The following PHF3 variants were observed in gnomAD, a reference collection of about 807,000 sequenced individuals.
PHF3 encodes PHD finger protein 3.
A neutral mutation model predicts 178.4 loss-of-function variants in PHF3; 41 were observed. That is an observed-to-expected ratio of 0.23 (90% CI 0.18 to 0.30). The LOEUF (loss-of-function observed/expected upper bound fraction) is 0.30, where lower values mean the gene tolerates loss of function less well. Ranked by LOEUF, PHF3 falls within the 10% of genes least tolerant of loss-of-function variation. The probability of loss-of-function intolerance (pLI) is 1.00; values close to 1 mark genes in which losing one functional copy is unlikely to be tolerated. For synonymous variants in PHF3, 842 were observed against 800.5 expected, an observed-to-expected ratio of 1.05 and a Z score of -0.88; for missense variants, 2,346 against 2,398.1, an observed-to-expected ratio of 0.98 and a Z score of 0.45.
chr6:63,721,620 A>T lies in PHF3; in HGVS notation c.*7912A>T, dbSNP rs1768395203. The T allele has an allele frequency of 1.9e-6, 3 of 1,551,296 alleles. No individual in the cohort carries two copies. The East Asian group carries it at 7.3e-5, about 38-fold the overall frequency. On this transcript the variant is annotated 3_prime_UTR_variant, in exon 16 of 16. Coordinates refer to ENST00000262043, the MANE Select transcript of PHF3 (RefSeq NM_001370348.2). ...CATTTTAGTGGAGGCCTTTTCTGTT[A>T]CATTTATCCCATCTAGATCCAGGTA...
intron 9 of PHF3, among the ~76,000 whole-genome samples, chr6:63,701,485 C>T (rs1198867032): frequency 6.6e-6 from 1 of 152,078 alleles, no homozygotes; most frequent in Non-Finnish European, 1.5e-5. Flanking sequence ...CCATGTTATC[C>T]AATTTTTGTA....
Position 63,713,111 on chromosome 6 carries a change from C to T in PHF3, c.5523C>T (p.Pro1841=). 1 of 1,614,034 alleles carries T rather than the reference C, an allele frequency of 6.2e-7. No homozygotes were observed. ...CACATTTGCCACCTCCATTACTTCC[C>T]CCTCCAGGCTTTGGCTTTGCTCAAA... ...FPPHLPPPLL[P]PPGFGFAQNP... Residue 1841 remains proline (P), a synonymous_variant, in exon 16 of 16, where the codon CCC becomes CCT. Coordinates refer to ENST00000262043, the MANE Select transcript of PHF3 (RefSeq NM_001370348.2).
At chr6:63,651,725 A>G (rs1765026908) in intron 2 of PHF3, among the ~76,000 whole-genome samples, 1 of 151,958 alleles carries the variant, frequency 6.6e-6, no homozygotes, top group African/African-American at 2.4e-5. Flanking sequence ...CCCCTTCCCC[A>G]ACTCTGGTAA....
At chr6:63,644,258 G>T (rs1051244188) in intron 1 of PHF3, among the ~76,000 whole-genome samples, 3 of 152,168 alleles carry the variant, frequency 2.0e-5, no homozygotes, top group African/African-American at 7.2e-5. Flanking sequence ...TGAAGAGGAG[G>T]TGGCTTTGGT....
intron 11 of PHF3, among the ~76,000 whole-genome samples, chr6:63,704,795 T>C (rs1455015090): frequency 6.6e-6 from 1 of 152,156 alleles, no homozygotes; most frequent in Non-Finnish European, 1.5e-5. Context: ...TAAGAGTATG[T>C]TTATCTTATA....
rs572374543 is a variant in PHF3, at chr6:63,723,188, T to TA, written c.*9485dup. 3.3e-4 allele frequency among the ~76,000 whole-genome samples: 51 copies of TA among 152,336 alleles called. No homozygotes were observed. Among genetic ancestry groups the TA allele is most frequent in the African/African-American group, 1.2e-3 (48 of 41,578 alleles). On this transcript the variant is annotated 3_prime_UTR_variant, in exon 16 of 16. Coordinates refer to ENST00000262043, the MANE Select transcript of PHF3 (RefSeq NM_001370348.2). ...TCCTATAATGACATGAAAATTGTTTTAAAAATTCATAACAAAGAAACTCAG... is the reference window on the plus strand; with the variant it reads ...TCCTATAATGACATGAAAATTGTTTTAAAAAATTCATAACAAAGAAACTCAG...
rs1768117624 is a variant in PHF3, at chr6:63,714,560, ATAGC to A, written c.*855_*858del. The A allele has an allele frequency of 6.6e-6, 1 of 152,652 alleles. No homozygotes were observed. The highest frequency in any genetic ancestry group is 2.1e-4 in the South Asian group (1 of 4,826). The allele number at this position is 152,652 out of a possible 1,614,324, so 9.5% of individuals were successfully genotyped here. A position where few individuals can be genotyped will look rare whatever the true frequency, so the allele number is the denominator to read the frequency against. On this transcript the variant is annotated 3_prime_UTR_variant, in exon 16 of 16. Coordinates refer to ENST00000262043, the MANE Select transcript of PHF3 (RefSeq NM_001370348.2). Reference sequence around the variant, plus strand: ...GTTACTCAGCCAAGAACATATAGAAATAGCTATCTATGTCAGGCATTAGATGAGG... The same window carrying A: ...GTTACTCAGCCAAGAACATATAGAAATATCTATGTCAGGCATTAGATGAGG...
At chr6:63,639,850 G>A (rs1048090404) in intron 1 of PHF3, among the ~76,000 whole-genome samples, 11 of 152,156 alleles carry the variant, frequency 7.2e-5, no homozygotes, top group African/African-American at 2.7e-4. Context: ...TGATGAGCTA[G>A]GTCCACTACT....
At chr6:63,663,342 A>G (rs983298091) in intron 2 of PHF3, among the ~76,000 whole-genome samples, 1 of 152,106 alleles carries the variant, frequency 6.6e-6, no homozygotes, top group African/African-American at 2.4e-5. Flanking sequence ...ACTATCCTAG[A>G]AATAGGATAG....
At chr6:63,705,990 A>G in intron 11 of PHF3, 39 bp from the exon 12 acceptor site, 1 of 1,476,512 alleles carries the variant, frequency 6.8e-7, no homozygotes, top group Non-Finnish European at 9.2e-7. Flanking sequence ...TAAAAGTTGT[A>G]GTTAACAGTT....
intron 2 of PHF3, among the ~76,000 whole-genome samples, chr6:63,661,375 C>G (rs1765459199): frequency 6.6e-6 from 1 of 152,046 alleles, no homozygotes; most frequent in African/African-American, 2.4e-5. Flanking sequence ...ACAACTTTGC[C>G]TATCAGATTT....
chr6:63,696,367 T>C (rs1260349141), intron 6 of PHF3, among the ~76,000 whole-genome samples: 2 of 152,160 alleles, frequency 1.3e-5, no homozygotes, highest in Admixed American at 6.5e-5. Flanking sequence ...TCACCCAGGC[T>C]TGAGTGCAGT....
Position 63,635,931 on chromosome 6 carries a change from G to C in PHF3, c.-245G>C, listed in dbSNP as rs1318385060. ...CTTCGGGCTCAGGGCGGCGGCGGCT[G>C]CAACGAGGATTAGGAGGGCGGCGCG... On this transcript the variant is annotated 5_prime_UTR_variant, in exon 1 of 16. Coordinates refer to ENST00000262043, the MANE Select transcript of PHF3 (RefSeq NM_001370348.2). 2 of 397,886 alleles carry C rather than the reference G, an allele frequency of 5.0e-6. No individual in the cohort carries two copies. The highest frequency in any genetic ancestry group is 4.4e-6 in the Non-Finnish European group (1 of 225,708). The allele number at this position is 397,886 out of a possible 1,614,324, so 24.6% of individuals were successfully genotyped here. A position where few individuals can be genotyped will look rare whatever the true frequency, so the allele number is the denominator to read the frequency against.
At chr6:63,675,649 T>C (rs1291484835) in intron 2 of PHF3, among the ~76,000 whole-genome samples, 11 of 152,198 alleles carry the variant, frequency 7.2e-5, no homozygotes, top group Admixed American at 7.2e-4. Context: ...CTTGGAAATC[T>C]TACCTTTGAG....
At position 63,717,439 on chromosome 6, in the gene PHF3, T is replaced by A. The variant is rs1293206935; in HGVS notation, c.*3731T>A. Among the ~76,000 whole-genome samples, 2 of 152,100 alleles carry A rather than the reference T, an allele frequency of 1.3e-5. No individual in the cohort carries two copies. The highest frequency in any genetic ancestry group is 2.9e-5 in the Non-Finnish European group (2 of 67,984). On this transcript the variant is annotated 3_prime_UTR_variant, in exon 16 of 16. Coordinates refer to ENST00000262043, the MANE Select transcript of PHF3 (RefSeq NM_001370348.2). ...ATATACACAATCAGGTTTATTTCTGTCTCTTAAAGCAAATTGCAAATAAAA... is the reference window on the plus strand; with the variant it reads ...ATATACACAATCAGGTTTATTTCTGACTCTTAAAGCAAATTGCAAATAAAA...
rs548676707 is a variant in PHF3 at position 63,681,600 on chromosome 6, T to G, written c.406+1439T>G. On this transcript the variant is annotated intron_variant, in intron 3 of 15. Transcript: ENST00000262043. ...GATTCTTAAATGTTCTTTTTGTTGT[T>G]GTTTTGAGAATGGTCCTTTCTGTAG... is the stretch of plus-strand genomic sequence containing the variant. Among the ~76,000 whole-genome samples the G allele has an allele frequency of 1.4e-4, 21 of 152,218 alleles. 2 individuals carry two copies. In the South Asian group the frequency reaches 4.4e-3, roughly 32 times the overall value.
intron 1 of PHF3, among the ~76,000 whole-genome samples, chr6:63,642,962 C>G (rs1474337264): frequency 6.6e-6 from 1 of 151,904 alleles, no homozygotes; most frequent in Non-Finnish European, 1.5e-5. Flanking sequence ...AGAAAAGTTG[C>G]AAAGGGTGTG....
At position 63,721,199 on chromosome 6, in the gene PHF3, C is replaced by T; in HGVS notation, c.*7491C>T. The T allele has an allele frequency of 1.3e-6, 2 of 1,551,602 alleles. No individual in the cohort carries two copies. The highest frequency in any genetic ancestry group is 1.7e-6 in the Non-Finnish European group (2 of 1,146,908). On this transcript the variant is annotated 3_prime_UTR_variant, in exon 16 of 16. Coordinates refer to ENST00000262043, the MANE Select transcript of PHF3 (RefSeq NM_001370348.2). ...AAGTTTTGTTTTCACAATACCTTCC[C>T]ACCCAACCCAAAGTACACAGGCAAC...
At chr6:63,680,265 T>A (rs2149578136) in intron 3 of PHF3, 104 bp downstream of exon 3, 1 of 1,055,976 alleles carries the variant, frequency 9.5e-7, no homozygotes, top group South Asian at 1.7e-5. Flanking sequence ...GATGTTTTGC[T>A]AATCCATTCG....
Sources: gnomAD v4.1 joint callset for allele counts (sites outside exome capture counted in the v4.1 genomes callset) on GRCh38, gnomAD v4.1.1 for gene constraint, MANE v1.5 for transcripts, NCBI Gene and HGNC (gene_info 2026-07-23, HGNC 2026-07-21) for gene names.